Variants in UNC79 observed in about 807,000 individuals in gnomAD.
UNC79 encodes protein unc-79 homolog.
UNC79 carries 37 observed loss-of-function variants against 283.1 expected under a neutral mutation model. The observed-to-expected ratio is 0.13, with a 90% CI of 0.10 to 0.17. UNC79 has a LOEUF of 0.17. Among genes scored for constraint, UNC79 ranks in the 10% least tolerant of loss-of-function variants. The pLI is 1.00. For synonymous variants in UNC79, 1,107 were observed against 1,200.2 expected (o/e 0.92, Z 1.61); for missense variants, 2,272 against 3,211.1 (o/e 0.71, Z 7.07).
At chr14:93,651,602 A>G (rs983242369) in intron 35 of UNC79, among the ~76,000 whole-genome samples, 2 of 152,196 alleles carry the variant, frequency 1.3e-5, no homozygotes, top group African/African-American at 4.8e-5. Flanking sequence ...TTTGCATATT[A>G]GCATGTATTC....
chr14:93,583,481 C>T (rs548412609), intron 20 of UNC79, among the ~76,000 whole-genome samples: 6 of 152,154 alleles, frequency 3.9e-5, no homozygotes, highest in African/African-American at 7.2e-5. Context: ...CTTATTCAAA[C>T]GAAGGTAACC....
chr14:93,462,607 A>G (rs1247633582), intron 1 of UNC79, among the ~76,000 whole-genome samples: 1 of 152,260 alleles, frequency 6.6e-6, no homozygotes, highest in East Asian at 1.9e-4. Flanking sequence ...GCTGCTGCTG[A>G]GTAATGACAG....
chr14:93,414,521 G>A (rs1420828947), intron 1 of UNC79, among the ~76,000 whole-genome samples: 1 of 152,076 alleles, frequency 6.6e-6, no homozygotes, highest in Non-Finnish European at 1.5e-5. Context: ...CTCTTTTTTG[G>A]TGCCATATGA....
At chr14:93,562,889 G>A (rs1234406454) in intron 14 of UNC79, among the ~76,000 whole-genome samples, 4 of 152,182 alleles carry the variant, frequency 2.6e-5, no homozygotes, top group African/African-American at 9.7e-5. Context: ...CTGGGCAGGG[G>A]CAAATCCCCG....
intron 1 of UNC79, among the ~76,000 whole-genome samples, chr14:93,360,172 G>A (rs1033221785): frequency 6.6e-6 from 1 of 152,192 alleles, no homozygotes; most frequent in African/African-American, 2.4e-5. Context: ...TTAGCAGCTT[G>A]CAGAACCCCC....
intron 41 of UNC79, among the ~76,000 whole-genome samples, chr14:93,681,948 G>A (rs1268020333): frequency 6.6e-6 from 1 of 152,196 alleles, no homozygotes; most frequent in Admixed American, 6.5e-5. Flanking sequence ...GAGGTGTCCG[G>A]CACCAAGCTA....
chr14:93,338,901 C>A (rs1227128319), intron 1 of UNC79, among the ~76,000 whole-genome samples: 1 of 151,920 alleles, frequency 6.6e-6, no homozygotes, highest in Admixed American at 6.6e-5. Context: ...AGAGTAAGAC[C>A]GTCTCAAAAA....
intron 7 of UNC79, among the ~76,000 whole-genome samples, chr14:93,519,856 C>T (rs1406935230): frequency 6.6e-6 from 1 of 151,558 alleles, no homozygotes; most frequent in Non-Finnish European, 1.5e-5. Context: ...TGTTACCAAA[C>T]ATCTTACTTC....
intron 1 of UNC79, among the ~76,000 whole-genome samples, chr14:93,392,802 A>G (rs1595423020): frequency 6.6e-6 from 1 of 152,142 alleles, no homozygotes; most frequent in East Asian, 1.9e-4. Context: ...TGTTTATAAC[A>G]CCTAATATGT....
chr14:93,658,480 T>A (rs1249417388), intron 38 of UNC79, among the ~76,000 whole-genome samples: 4 of 152,252 alleles, frequency 2.6e-5, no homozygotes, highest in Non-Finnish European at 5.9e-5. Context: ...AATTTAACTA[T>A]AGCCTGCTAT....
chr14:93,336,383 C>G (rs146122745), intron 1 of UNC79, among the ~76,000 whole-genome samples: 1 of 151,966 alleles, frequency 6.6e-6, no homozygotes, highest in Non-Finnish European at 1.5e-5. Flanking sequence ...GCTCTGTCAC[C>G]CAGGCTGGAG....
At chr14:93,651,866 A>G (rs2070304661) in intron 35 of UNC79, among the ~76,000 whole-genome samples, 2 of 150,664 alleles carry the variant, frequency 1.3e-5, no homozygotes, top group Admixed American at 1.3e-4. Context: ...CAGGCTCCCA[A>G]GTAGCTGGGA....
At chr14:93,513,460 C>A (rs1207606543) in intron 7 of UNC79, among the ~76,000 whole-genome samples, 1 of 152,032 alleles carries the variant, frequency 6.6e-6, no homozygotes, top group Non-Finnish European at 1.5e-5. Context: ...TTCAAGTGAT[C>A]CTCCTGCCTC....
At chr14:93,472,152 G>C (rs1020747399) in intron 2 of UNC79, among the ~76,000 whole-genome samples, 1 of 151,964 alleles carries the variant, frequency 6.6e-6, no homozygotes, top group African/African-American at 2.4e-5. Flanking sequence ...GTTAATTTAG[G>C]GCCGAAGTTT....
In UNC79 at chr14:93,474,955, T is replaced by C. The variant is rs8007524; in HGVS notation, c.448+562T>C. Among the ~76,000 whole-genome samples the C allele has an allele frequency of 0.029, 4,481 of 152,270 alleles. 233 individuals carry two copies. Among genetic ancestry groups the C allele is most frequent in the African/African-American group, 0.1 (4,257 of 41,548 alleles). The stretch of plus-strand genomic sequence containing the variant: ...ATCAAAATGTAGATATAGTATATAG[T>C]GGCGCTGTATGCTGTATTCAGCATA... On this transcript the variant is annotated intron_variant, in intron 3 of 48. Coordinates refer to ENST00000555664, the Ensembl canonical transcript of UNC79. The surrounding 1 kb of genome is among the most constrained non-coding windows in gnomAD (Gnocchi z 4.1).
chr14:93,354,472 A>ATATTTTCTTGG (rs1281215126), intron 1 of UNC79, among the ~76,000 whole-genome samples: 3 of 152,216 alleles, frequency 2.0e-5, no homozygotes, highest in African/African-American at 7.2e-5. Context: ...AAGAAAATTC[A>ATATTTTCTTGG]AAATCTGAAA....
Position 93,621,309 on chromosome 14 carries a change from G to GT in UNC79, c.4388-309dup, listed in dbSNP as rs2067114005. Among the ~76,000 whole-genome samples the GT allele has an allele frequency of 6.6e-6, 1 of 152,140 alleles. No homozygotes were observed. Among genetic ancestry groups the GT allele is most frequent in the Non-Finnish European group, 1.5e-5 (1 of 68,032 alleles). On this transcript the variant is annotated intron_variant, in intron 29 of 48. Coordinates refer to ENST00000555664, the Ensembl canonical transcript of UNC79. The surrounding 1 kb of genome is among the most constrained non-coding windows in gnomAD (Gnocchi z 4.8). ...TTCTCTTCCACACGATTTGAATACAGTTTCCTAGATCTGCCTCAGCCAAAA... is the reference window on the plus strand; with the variant it reads ...TTCTCTTCCACACGATTTGAATACAGTTTTCCTAGATCTGCCTCAGCCAAAA...
At chr14:93,685,161 T>G (rs2074141533) in intron 42 of UNC79, among the ~76,000 whole-genome samples, 1 of 152,254 alleles carries the variant, frequency 6.6e-6, no homozygotes, top group Non-Finnish European at 1.5e-5. Context: ...GCTCTCATTT[T>G]TTGAGATTCA....
At chr14:93,639,038 A>T (rs541824420) in intron 32 of UNC79, among the ~76,000 whole-genome samples, 2 of 152,332 alleles carry the variant, frequency 1.3e-5, no homozygotes, top group African/African-American at 4.8e-5. Context: ...TGCTATTGTC[A>T]AAAACACCTC....
Sources: gnomAD v4.1 joint callset for allele counts (sites outside exome capture counted in the v4.1 genomes callset) on GRCh38, gnomAD v4.1.1 for gene constraint, Gnocchi (gnomAD v3.1) non-coding constraint, MANE v1.5 for transcripts, NCBI Gene and HGNC (gene_info 2026-07-23, HGNC 2026-07-21) for gene names.